SYT3: variants seen among roughly 807,000 people sequenced by gnomAD.
The protein encoded by SYT3 is synaptotagmin 3.
SYT3 carries 25 observed loss-of-function variants against 50.6 expected under a neutral mutation model. The observed-to-expected ratio is 0.49, with a 90% CI of 0.36 to 0.69. The LOEUF is 0.69. SYT3 is among the 30% of genes least tolerant of loss of function. The probability of loss-of-function intolerance (pLI) is 0.00; values close to 1 mark genes in which losing one functional copy is unlikely to be tolerated. For missense variants in SYT3, 589 were observed against 793.6 expected (o/e 0.74, Z 3.10); for synonymous variants, 323 against 353.9 (o/e 0.91, Z 0.98).
chr19:50,641,515 A>G (rs2123029458), upstream of SYT3, among the ~76,000 whole-genome samples: 1 of 151,680 alleles, frequency 6.6e-6, no homozygotes, highest in East Asian at 2.0e-4. Context: ...GCACCACTGC[A>G]TTCCATCCAG....
rs1273466282 is a variant in SYT3, at chr19:50,625,248, C to T, written c.1621G>A (p.Ala541Thr). Reference protein sequence around the residue: ...VIGVCRVGPDAADPHGREHWA... With the variant: ...VIGVCRVGPDTADPHGREHWA... ...TGCTCGCGGCCGTGCGGGTCGGCAGCGTCGGGGCCCACACGGCACACGCCG... is the reference window on the plus strand; with the variant it reads ...TGCTCGCGGCCGTGCGGGTCGGCAGTGTCGGGGCCCACACGGCACACGCCG... The change falls in exon 9 of 11, where the codon GCT (alanine) becomes ACT (threonine). Residue 541 changes from alanine to threonine, a missense_variant. Physicochemically the swap from Ala to Thr is moderately conservative, Grantham distance 58. Around this residue, in one of 2 missense-constraint regions of SYT3, gnomAD observed 273 missense variants for 439.3 expected, o/e 0.62. Coordinates refer to ENST00000600079, the MANE Select transcript of SYT3 (RefSeq NM_001160329.2). The surrounding 1 kb of genome is among the most constrained non-coding windows in gnomAD (Gnocchi z 7.5). 93 of 1,562,502 alleles carry T rather than the reference C, an allele frequency of 6.0e-5. No individual in the cohort carries two copies. Among genetic ancestry groups the T allele is most frequent in the Non-Finnish European group, 7.6e-5 (88 of 1,158,440 alleles).
At chr19:50,657,877 T>C in the SYT3 span, 3 of 1,373,178 alleles carry the variant, frequency 2.2e-6, no homozygotes, top group South Asian at 3.1e-5. Context: ...GCCCCTCAAA[T>C]GCCACCTGGA....
Position 50,637,473 on chromosome 19 carries a change from G to A in SYT3, c.-15-47C>T, listed in dbSNP as rs963135590. ...CAAGGGTGCAGATGGGAAACAGAAT[G>A]GGAGTGCAGGGTGGGCAGGTGTGGA... On this transcript the variant is annotated intron_variant, in intron 2 of 10. Coordinates refer to ENST00000600079, the MANE Select transcript of SYT3 (RefSeq NM_001160329.2). The surrounding 1 kb of genome is among the most constrained non-coding windows in gnomAD (Gnocchi z 4.9). The A allele has an allele frequency of 1.6e-5, 25 of 1,530,238 alleles. No homozygotes were observed. The highest frequency in any genetic ancestry group is 1.2e-4 in the Admixed American group (7 of 58,262). 94.8% of individuals were successfully genotyped at this position (1,530,238 alleles called of 1,614,324 possible).
At chr19:50,635,427 ATTCCTG>A (rs1984466262) in intron 3 of SYT3, among the ~76,000 whole-genome samples, 4 of 152,164 alleles carry the variant, frequency 2.6e-5, no homozygotes, top group Admixed American at 2.6e-4. Context: ...CAGATTCCCC[ATTCCTG>A]TCTGCACAGA....
At chr19:50,647,634 T>C in the SYT3 span, among the ~76,000 whole-genome samples, 1 of 152,068 alleles carries the variant, frequency 6.6e-6, no homozygotes. Context: ...ACCGCTGCAC[T>C]CCAGCCTGGG....
At chr19:50,650,409 G>A in the SYT3 span, among the ~76,000 whole-genome samples, 4 of 152,228 alleles carry the variant, frequency 2.6e-5, no homozygotes, top group Admixed American at 1.3e-4. Flanking sequence ...GGTGGCTCAC[G>A]CCTATAATCC....
rs558938314 is a variant in SYT3, at chr19:50,634,777, T to A, written c.149-1966A>T. ...TTTTGTATTTTTGGAATAGACGGAG[T>A]TTTGTTATGTTGGCCAGGCTGGTCT... On this transcript the variant is annotated intron_variant, in intron 3 of 10. Coordinates refer to ENST00000600079, the MANE Select transcript of SYT3 (RefSeq NM_001160329.2). Among the ~76,000 whole-genome samples, 4 of 151,520 alleles carry A rather than the reference T, an allele frequency of 2.6e-5. No homozygotes were observed. In the South Asian group the frequency reaches 8.4e-4, roughly 32 times the overall value.
Position 50,637,128 on chromosome 19 carries a change from GCA to G in SYT3, c.148+134_148+135del. 8.9e-7 allele frequency: 1 copy of G among 1,117,514 alleles called. No homozygotes were observed. Among genetic ancestry groups the G allele is most frequent in the Non-Finnish European group, 1.3e-6 (1 of 782,504 alleles). The allele number at this position is 1,117,514 out of a possible 1,614,324, so 69.2% of individuals were successfully genotyped here. On this transcript the variant is annotated intron_variant, in intron 3 of 10. Transcript: ENST00000600079. The surrounding 1 kb of genome is among the most constrained non-coding windows in gnomAD (Gnocchi z 4.9). Reference sequence around the variant, plus strand: ...CTTGGATCAGAGATTTGGGAGAAGGGCAGCAGCAGGCAGAATGGGGGCAAGAC... The same window carrying G: ...CTTGGATCAGAGATTTGGGAGAAGGGGCAGCAGGCAGAATGGGGGCAAGAC...
intron 2 of SYT3, among the ~76,000 whole-genome samples, chr19:50,638,209 C>T (rs906951183): frequency 8.5e-5 from 13 of 152,156 alleles, no homozygotes; most frequent in African/African-American, 2.4e-4. Context: ...CAGCCACAGG[C>T]GGGGGGCAGT....
chr19:50,629,409 A>G lies in SYT3; in HGVS notation c.1166T>C (p.Phe389Ser). Residue 389 changes from phenylalanine (F) to serine (S), a missense_variant, in exon 6 of 11, where the codon TTT becomes TCT. Around this residue, in one of 2 missense-constraint regions of SYT3, gnomAD observed 273 missense variants for 439.3 expected, o/e 0.62. Transcript: ENST00000600079. The stretch of plus-strand genomic sequence containing the variant: ...GAGGTCGTGCCGCGAGAAGCGGTCA[A>G]AGTCATAGACGCTGAAGTGCAGTTT... ...QRKLHFSVYD[F>S]DRFSRHDLIG... is the part of the protein sequence containing the mutation. 1 of 1,613,966 alleles carries G rather than the reference A, an allele frequency of 6.2e-7. No homozygotes were observed.
rs765686951 is a variant in SYT3 at position 50,632,292 on chromosome 19, G to A, written c.668C>T (p.Thr223Ile). The A allele has an allele frequency of 3.3e-5, 51 of 1,567,686 alleles. 1 individual carries two copies. The Admixed American group carries it at 8.2e-4, about 25-fold the overall frequency. Residue 223 changes from threonine to isoleucine, a missense_variant, in exon 4 of 11, where the codon ACT (threonine) becomes ATT (isoleucine). By Grantham distance (89) the Thr-to-Ile change is moderately conservative. Transcript: ENST00000600079. This position sits in a 1 kb window ranked among gnomAD's most constrained non-coding sequence, Gnocchi z 4.7. ...ACCCAGTATCCTCTCTCACCTGGTA[G>A]TGGGTGCCAGGCTTGTGACCTGCTG... Reference protein sequence around the residue: ...SHQQVTSLAPTTRYPALPRPL... With the variant: ...SHQQVTSLAPITRYPALPRPL...
the SYT3 span, among the ~76,000 whole-genome samples, chr19:50,650,609 T>G: frequency 1.3e-5 from 2 of 152,122 alleles, no homozygotes; most frequent in Non-Finnish European, 2.9e-5. Flanking sequence ...AGGCAGAGGC[T>G]GCAGCGAGCC....
At chr19:50,654,920 G>A in the SYT3 span, among the ~76,000 whole-genome samples, 1 of 152,212 alleles carries the variant, frequency 6.6e-6, no homozygotes, top group African/African-American at 2.4e-5. Flanking sequence ...TTGGCTTGGT[G>A]AGAAGATTTA....
chr19:50,631,529 C>G (rs1984307106), intron 4 of SYT3, among the ~76,000 whole-genome samples: 1 of 152,092 alleles, frequency 6.6e-6, no homozygotes, highest in Middle Eastern at 3.2e-3. Flanking sequence ...CCCTGGCTGT[C>G]CCCTTGGTGT....
Position 50,625,044 on chromosome 19 carries a change from T to G in SYT3, c.1707+118A>C. The G allele has an allele frequency of 8.6e-7, 1 of 1,168,816 alleles. No individual in the cohort carries two copies. Among genetic ancestry groups the G allele is most frequent in the Non-Finnish European group, 1.1e-6 (1 of 894,564 alleles). 72.4% of individuals were successfully genotyped at this position (1,168,816 alleles called of 1,614,324 possible). ...ACAGCTAAAGTTGGCACAGCAGGGA[T>G]TGAAACCTAGGACGCCTGGCTCTGC... On this transcript the variant is annotated intron_variant, in intron 9 of 10. Transcript: ENST00000600079. The surrounding 1 kb of genome is among the most constrained non-coding windows in gnomAD (Gnocchi z 7.5).
At chr19:50,631,163 C>A (rs998189475) in intron 4 of SYT3, among the ~76,000 whole-genome samples, 57 of 142,374 alleles carry the variant, frequency 4.0e-4, no homozygotes, top group African/African-American at 1.4e-3. Flanking sequence ...TTTTTTCTTT[C>A]TTTCTTTTTT....
the SYT3 span, among the ~76,000 whole-genome samples, chr19:50,649,141 G>A: frequency 6.7e-6 from 1 of 150,344 alleles, no homozygotes; most frequent in Non-Finnish European, 1.5e-5. Flanking sequence ...CAGAGAGATG[G>A]GGAGAGAATG....
Position 50,639,793 on chromosome 19 carries a change from G to C in SYT3, c.-157C>G, listed in dbSNP as rs1374816665. The C allele has an allele frequency of 1.5e-5, 1 of 65,046 alleles. No individual in the cohort carries two copies. Among genetic ancestry groups the C allele is most frequent in the East Asian group, 2.1e-4 (1 of 4,878 alleles). The allele number at this position is 65,046 out of a possible 1,614,324, so 4.0% of individuals were successfully genotyped here. On this transcript the variant is annotated 5_prime_UTR_variant, in exon 1 of 11. Transcript: ENST00000600079. The surrounding 1 kb of genome is among the most constrained non-coding windows in gnomAD (Gnocchi z 4.6). ...GGAGGGGGAGGAGCGGACTCACCCG[G>C]AGCCGCCGCTGCCGCCGCTGCCGCC...
At chr19:50,626,860 T>G (rs1408176081) in intron 6 of SYT3, among the ~76,000 whole-genome samples, 2 of 143,904 alleles carry the variant, frequency 1.4e-5, no homozygotes, top group Non-Finnish European at 3.1e-5. Context: ...CCAGAGAGAG[T>G]GATAGTTACC....
Sources: gnomAD v4.1 joint callset for allele counts (sites outside exome capture counted in the v4.1 genomes callset) on GRCh38, gnomAD v4.1.1 for gene constraint, gnomAD v4.1.1 regional missense constraint, Gnocchi (gnomAD v3.1) non-coding constraint, MANE v1.5 for transcripts, NCBI Gene and HGNC (gene_info 2026-07-23, HGNC 2026-07-21) for gene names.